The following NDP variants were observed in gnomAD, a reference collection of about 807,000 sequenced individuals.
NDP encodes the protein norrin cystine knot growth factor NDP, also known as norrin.
NDP carries 2 observed loss-of-function variants against 8.4 expected under a neutral mutation model. The observed-to-expected ratio is 0.24, with a 90% confidence interval of 0.10 to 0.75. The LOEUF (loss-of-function observed/expected upper bound fraction) is 0.75. Among genes scored for constraint, NDP ranks in the 30% least tolerant of loss-of-function variants. The pLI, the probability that NDP is intolerant of heterozygous loss-of-function variation, is 0.73. For synonymous variants in NDP, 55 were observed against 45.6 expected (o/e 1.21, Z -0.83); for missense variants, 81 against 110.1 (o/e 0.74, Z 1.18).
chrX:43,950,423 C>T (rs1483406431), intron 2 of NDP, among the ~76,000 whole-genome samples: 1 of 61,996 alleles, frequency 1.6e-5, no homozygotes, highest in East Asian at 4.9e-4. Flanking sequence ...AAAGTCAATC[C>T]AAATTGAAAC....
intron 1 of NDP, among the ~76,000 whole-genome samples, chrX:43,971,399 G>A (rs1472030404): frequency 9.0e-6 from 1 of 111,453 alleles, no homozygotes; most frequent in Non-Finnish European, 1.9e-5. Flanking sequence ...AAATGAGTTG[G>A]AAATTGTTAA....
intron 1 of NDP, among the ~76,000 whole-genome samples, chrX:43,964,125 T>C (rs2035843278): frequency 8.9e-6 from 1 of 111,771 alleles, no homozygotes; most frequent in South Asian, 3.8e-4. Flanking sequence ...CCCAGAGTGC[T>C]ACCTTAGGAG....
At chrX:43,973,078 GAT>G (rs1282911461) in intron 1 of NDP, among the ~76,000 whole-genome samples, 1 of 112,784 alleles carries the variant, frequency 8.9e-6, no homozygotes. Context: ...CAAACCAAAA[GAT>G]ATTTTCAAGC....
chrX:43,967,181 T>C (rs1306138291), intron 1 of NDP, among the ~76,000 whole-genome samples: 3 of 111,297 alleles, frequency 2.7e-5, no homozygotes, highest in African/African-American at 9.8e-5. Context: ...GACTGCCAGC[T>C]TCCCTGTAAC....
At chrX:43,966,831 G>T (rs766129507) in intron 1 of NDP, among the ~76,000 whole-genome samples, 1 of 111,331 alleles carries the variant, frequency 9.0e-6, no homozygotes, top group Non-Finnish European at 1.9e-5. Flanking sequence ...CTCCTCACCC[G>T]CAACAACACT....
chrX:43,967,158 G>T (rs751899492), intron 1 of NDP, among the ~76,000 whole-genome samples: 1 of 111,189 alleles, frequency 9.0e-6, no homozygotes, highest in Non-Finnish European at 1.9e-5. Flanking sequence ...CTGCAGCTAT[G>T]TCTATGTCTT....
intron 2 of NDP, among the ~76,000 whole-genome samples, chrX:43,953,625 T>A (rs1427317574): frequency 1.8e-5 from 2 of 112,713 alleles, no homozygotes; most frequent in Admixed American, 1.9e-4. Context: ...ATTTCATCCT[T>A]ACAACAACCC....
chrX:43,972,555 C>T (rs2035896622), intron 1 of NDP, among the ~76,000 whole-genome samples: 2 of 111,247 alleles, frequency 1.8e-5, no homozygotes, highest in Admixed American at 9.5e-5. Context: ...GCTGCAGGGA[C>T]GAGCTGATGA....
intron 1 of NDP, among the ~76,000 whole-genome samples, chrX:43,967,093 G>A (rs1015270544): frequency 1.8e-5 from 2 of 111,261 alleles, no homozygotes; most frequent in Non-Finnish European, 3.8e-5. Flanking sequence ...TGATAACCCT[G>A]AACTTGTTGG....
chrX:43,951,396 CAG>C (rs2147205473), intron 2 of NDP, among the ~76,000 whole-genome samples: 2 of 111,136 alleles, frequency 1.8e-5, no homozygotes, highest in Non-Finnish European at 3.8e-5. Context: ...GCATGAGTGA[CAG>C]AGCAAGGCCC....
intron 2 of NDP, among the ~76,000 whole-genome samples, chrX:43,957,841 T>A (rs770782399): frequency 9.6e-6 from 1 of 104,362 alleles, no homozygotes; most frequent in Non-Finnish European, 2.0e-5. Flanking sequence ...GTGGTCCATG[T>A]AGCTGGCCAC....
At chrX:43,957,254 T>A (rs756423799) in intron 2 of NDP, among the ~76,000 whole-genome samples, 62 of 111,515 alleles carry the variant, frequency 5.6e-4, no homozygotes, top group Admixed American at 1.1e-3. Context: ...GCACTTCTCA[T>A]GTTTTTTCTC....
chrX:43,960,872 C>A (rs1453365136), intron 1 of NDP: 2 of 112,514 alleles, frequency 1.8e-5, no homozygotes, highest in African/African-American at 6.5e-5. Context: ...CCAGCAACTT[C>A]TCTTCAGAGC....
At chrX:43,965,773 G>T (rs899861903) in intron 1 of NDP, among the ~76,000 whole-genome samples, 12 of 111,944 alleles carry the variant, frequency 1.1e-4, no homozygotes, top group Non-Finnish European at 2.1e-4. Context: ...TAGAAAAGTT[G>T]TCTTCTCTGC....
intron 1 of NDP, among the ~76,000 whole-genome samples, chrX:43,959,741 T>TA (rs1279159688): frequency 5.4e-5 from 6 of 111,953 alleles, no homozygotes; most frequent in Admixed American, 3.8e-4. Context: ...TTCTTTTTTT[T>TA]AACCACAACA....
At chrX:43,962,536 G>T (rs2035832303) in intron 1 of NDP, among the ~76,000 whole-genome samples, 1 of 111,674 alleles carries the variant, frequency 9.0e-6, no homozygotes, top group Admixed American at 9.5e-5. Flanking sequence ...CCTTGTAGCA[G>T]CTTCTGTTGT....
At chrX:43,954,998 A>G (rs2147207317) in intron 2 of NDP, among the ~76,000 whole-genome samples, 1 of 110,893 alleles carries the variant, frequency 9.0e-6, no homozygotes, top group African/African-American at 3.3e-5. Context: ...ATCCCCCTCC[A>G]GCCCCTCCTT....
intron 2 of NDP, among the ~76,000 whole-genome samples, chrX:43,951,971 ATTGT>A (rs1010947085): frequency 1.7e-4 from 19 of 111,529 alleles, no homozygotes; most frequent in Non-Finnish European, 2.6e-4. Flanking sequence ...ATCAGAAATG[ATTGT>A]TTGTTTGTTT....
At chrX:43,963,064 G>T (rs1356879614) in intron 1 of NDP, among the ~76,000 whole-genome samples, 2 of 112,197 alleles carry the variant, frequency 1.8e-5, no homozygotes, top group Non-Finnish European at 3.8e-5. Flanking sequence ...TGCCAAGAAT[G>T]GCCTTATTCT....
Sources: gnomAD v4.1 joint callset for allele counts (sites outside exome capture counted in the v4.1 genomes callset) on GRCh38, gnomAD v4.1.1 for gene constraint, MANE v1.5 for transcripts, NCBI Gene and HGNC (gene_info 2026-07-23, HGNC 2026-07-21) for gene names.